ZFP90: variants seen among roughly 807,000 people sequenced by gnomAD.
ZFP90 encodes ZFP90 zinc finger protein.
In ZFP90, 38 loss-of-function variants were observed where a neutral mutation model predicts 60.8. That is an observed-to-expected ratio of 0.62 (90% CI 0.48 to 0.82). The LOEUF is 0.82. Ranked by LOEUF, ZFP90 falls within the 40% of genes least tolerant of loss-of-function variation. The pLI is 0.00. For synonymous variants in ZFP90, 287 were observed against 264.8 expected (o/e 1.08, Z -0.82); for missense variants, 711 against 759.1 (o/e 0.94, Z 0.74).
chr16:68,535,067 C>T (rs1375028626), upstream of ZFP90, among the ~76,000 whole-genome samples: 2 of 152,124 alleles, frequency 1.3e-5, no homozygotes, highest in African/African-American at 4.8e-5. Flanking sequence ...GTTTGTGATT[C>T]ATGGCTGTGA....
upstream of ZFP90, among the ~76,000 whole-genome samples, chr16:68,539,018 G>T (rs1265029453): frequency 2.0e-5 from 3 of 152,230 alleles, no homozygotes; most frequent in Non-Finnish European, 4.4e-5. Flanking sequence ...GTCGAAAGGG[G>T]CGTACGATTG....
chr16:68,544,292 G>A (rs979796801), intron 2 of ZFP90, among the ~76,000 whole-genome samples: 11 of 152,236 alleles, frequency 7.2e-5, no homozygotes, highest in African/African-American at 2.7e-4. Flanking sequence ...CACACCTATA[G>A]TCCCAGCCAC....
At chr16:68,571,515 G>A (rs1020221742), downstream of ZFP90, among the ~76,000 whole-genome samples, 1 of 152,116 alleles carries the variant, frequency 6.6e-6, no homozygotes, top group Non-Finnish European at 1.5e-5. Context: ...ACAACCACCT[G>A]CTTGGTTTCC....
At chr16:68,557,238 G>T in intron 2 of ZFP90, 1 of 455,884 alleles carries the variant, frequency 2.2e-6, no homozygotes, top group South Asian at 1.5e-5. Flanking sequence ...CAAAGGAAGT[G>T]AACCGGCTCA....
chr16:68,545,658 C>CA (rs778960968), intron 2 of ZFP90, among the ~76,000 whole-genome samples: 1 of 151,502 alleles, frequency 6.6e-6, no homozygotes, highest in African/African-American at 2.4e-5. Flanking sequence ...AATAAAAATA[C>CA]AAAAAAATTA....
In ZFP90 at chr16:68,539,758, C is replaced by T. The variant is rs1221117041; in HGVS notation, c.-35C>T. 1.3e-6 allele frequency: 2 copies of T among 1,562,264 alleles called. No individual in the cohort carries two copies. The highest frequency in any genetic ancestry group is 1.7e-6 in the Non-Finnish European group (2 of 1,154,178). The stretch of plus-strand genomic sequence containing the variant: ...AGTGGGCCCTGTCCTTTCTCCCCAG[C>T]TCCTGCCCCGGAGCCGGGCCCTGGC... On this transcript the variant is annotated splice_region_variant and 5_prime_UTR_variant, in exon 2 of 5. Coordinates refer to ENST00000563169, the MANE Select transcript of ZFP90 (RefSeq NM_001305203.2).
At chr16:68,535,622 G>C (rs983856914), upstream of ZFP90, 1 of 151,946 alleles carries the variant, frequency 6.6e-6, no homozygotes, top group Admixed American at 6.6e-5. Flanking sequence ...GCTATACTAG[G>C]CATTGGCAAT....
At chr16:68,560,218 A>G (rs1194672423) in intron 4 of ZFP90, among the ~76,000 whole-genome samples, 1 of 152,228 alleles carries the variant, frequency 6.6e-6, no homozygotes, top group Admixed American at 6.5e-5. Flanking sequence ...AAACAGCAAC[A>G]CTATCTAATT....
At position 68,539,817 on chromosome 16, in the gene ZFP90, G is replaced by A. The variant is rs772234361; in HGVS notation, c.25G>A (p.Ala9Thr). The A allele has an allele frequency of 6.2e-7, 1 of 1,605,718 alleles. No homozygotes were observed. Among genetic ancestry groups the A allele is most frequent in the Non-Finnish European group, 8.5e-7 (1 of 1,177,702 alleles). The change falls in exon 2 of 5, where the codon GCG becomes ACG. Residue 9 changes from alanine (A) to threonine (T), a missense_variant. This residue lies in a region of ZFP90 where 27 missense variants were observed against 17.9 expected (regional missense o/e 1.50). Coordinates refer to ENST00000563169, the MANE Select transcript of ZFP90 (RefSeq NM_001305203.2). ...AATGGCCCCGAGGCCTCCGACCGCC[G>A]CGCCCCAGGTGAGCAACGCGTTCCT... Reference protein sequence around the residue: MAPRPPTAAPQESVTFKDV... With the variant: MAPRPPTATPQESVTFKDV...
intron 2 of ZFP90, among the ~76,000 whole-genome samples, chr16:68,544,062 C>T (rs1412044825): frequency 6.6e-6 from 1 of 152,058 alleles, no homozygotes; most frequent in Non-Finnish European, 1.5e-5. Flanking sequence ...CTATGTTGGC[C>T]AGACTGGTCT....
At chr16:68,544,699 G>A (rs2152057831) in intron 2 of ZFP90, among the ~76,000 whole-genome samples, 1 of 152,148 alleles carries the variant, frequency 6.6e-6, no homozygotes, top group South Asian at 2.1e-4. Context: ...AATCAGGTCA[G>A]GATGTTTGTA....
intron 2 of ZFP90, among the ~76,000 whole-genome samples, chr16:68,543,558 CT>C (rs1481179884): frequency 2.4e-5 from 2 of 82,146 alleles, no homozygotes; most frequent in Non-Finnish European, 4.5e-5. Flanking sequence ...CCTTATTTGC[CT>C]TTTTTTCTTT....
At chr16:68,539,648 TCG>T in intron 1 of ZFP90, 108 bp from the exon 2 acceptor site, 1 of 870,262 alleles carries the variant, frequency 1.1e-6, no homozygotes, top group Non-Finnish European at 1.6e-6. Context: ...TCCACGGTCC[TCG>T]CCACCATCTC....
rs58325229 is a variant in ZFP90, at chr16:68,549,716, T to C, written c.34-8282T>C. Reference sequence around the variant, plus strand: ...AAAAAAAAGTCTTGAGGGAGAAAAATGTAACTAGATGGCTACGGTTCTGAA... The same window carrying C: ...AAAAAAAAGTCTTGAGGGAGAAAAACGTAACTAGATGGCTACGGTTCTGAA... On this transcript the variant is annotated intron_variant, in intron 2 of 4. Transcript: ENST00000563169. Among the ~76,000 whole-genome samples, 646 of 114,500 alleles carry C rather than the reference T, an allele frequency of 5.6e-3. 4 individuals are homozygous for C. Among genetic ancestry groups the C allele is most frequent in the African/African-American group, 0.021 (611 of 28,814 alleles). The allele number at this position is 114,500 out of a possible 152,430, so 75.1% of individuals were successfully genotyped here.
At chr16:68,539,621 G>C in intron 1 of ZFP90, 137 bp from the exon 2 acceptor site, 1 of 643,256 alleles carries the variant, frequency 1.6e-6, no homozygotes, top group South Asian at 2.4e-5. Context: ...GATGGGGAGC[G>C]GCAGGCCCGG....
downstream of ZFP90, among the ~76,000 whole-genome samples, chr16:68,569,776 CA>C (rs930545523): frequency 6.6e-6 from 1 of 151,970 alleles, no homozygotes; most frequent in Non-Finnish European, 1.5e-5. Flanking sequence ...AACGTGGTCT[CA>C]AAAAAATAAT....
chr16:68,537,261 G>A (rs1400491503), upstream of ZFP90, among the ~76,000 whole-genome samples: 1 of 152,052 alleles, frequency 6.6e-6, no homozygotes, highest in Non-Finnish European at 1.5e-5. Context: ...AAGTAGCTGT[G>A]AGTACAGGCG....
At chr16:68,559,531 G>A (rs901774893) in intron 4 of ZFP90, among the ~76,000 whole-genome samples, 2 of 151,636 alleles carry the variant, frequency 1.3e-5, no homozygotes, top group Non-Finnish European at 2.9e-5. Context: ...ACTTCTACTG[G>A]TGGCACTGTA....
At chr16:68,549,519 T>G (rs1243986735) in intron 2 of ZFP90, among the ~76,000 whole-genome samples, 1 of 151,178 alleles carries the variant, frequency 6.6e-6, no homozygotes, top group African/African-American at 2.4e-5. Context: ...CTACTAAAAA[T>G]ACAAAAAAAA....
Sources: allele counts gnomAD v4.1 joint callset (sites outside exome capture counted in the v4.1 genomes callset), GRCh38; gene constraint gnomAD v4.1.1; regional missense constraint gnomAD v4.1.1; transcripts MANE v1.5; gene names NCBI Gene and HGNC (gene_info 2026-07-23, HGNC 2026-07-21).